The following PPP4R2 variants were observed in gnomAD, a reference collection of about 807,000 sequenced individuals.
PPP4R2 encodes the protein serine/threonine-protein phosphatase 4 regulatory subunit 2.
PPP4R2 carries 13 observed loss-of-function variants against 47.2 expected under a neutral mutation model. That is an observed-to-expected ratio of 0.28 (90% CI 0.18 to 0.44). The LOEUF is 0.44. Ranked by LOEUF, PPP4R2 falls within the 20% of genes least tolerant of loss-of-function variation. The pLI, the probability that PPP4R2 is intolerant of heterozygous loss-of-function variation, is 1.00. For missense variants in PPP4R2, 421 were observed against 491.2 expected (o/e 0.86, Z 1.35); for synonymous variants, 151 against 163.3 (o/e 0.92, Z 0.57).
chr3:73,038,621 C>T (rs1435066419), intron 2 of PPP4R2, among the ~76,000 whole-genome samples: 1 of 152,120 alleles, frequency 6.6e-6, no homozygotes, highest in Non-Finnish European at 1.5e-5. Context: ...GTTTCAAAAT[C>T]CTGACCTTGT....
At chr3:73,000,497 G>T (rs1213674641) in intron 2 of PPP4R2, among the ~76,000 whole-genome samples, 2 of 152,178 alleles carry the variant, frequency 1.3e-5, no homozygotes, top group African/African-American at 4.8e-5. Context: ...CTTGCTTTTA[G>T]CTTTAGAGAG....
At chr3:73,009,097 A>G (rs9310256) in intron 2 of PPP4R2, among the ~76,000 whole-genome samples, 1 of 151,854 alleles carries the variant, frequency 6.6e-6, no homozygotes, top group Non-Finnish European at 1.5e-5. Flanking sequence ...TCATCACTTA[A>G]GTTACTGTTG....
chr3:73,007,444 T>C (rs1285091314), intron 2 of PPP4R2, among the ~76,000 whole-genome samples: 1 of 151,432 alleles, frequency 6.6e-6, no homozygotes, highest in African/African-American at 2.4e-5. Context: ...AGGTTTCTTT[T>C]ATCTTTTTCT....
chr3:73,046,569 A>G (rs1427611553), intron 2 of PPP4R2, among the ~76,000 whole-genome samples: 2 of 152,192 alleles, frequency 1.3e-5, no homozygotes, highest in Non-Finnish European at 2.9e-5. Flanking sequence ...ATAGATGTGA[A>G]AAGTACCTAA....
At chr3:73,013,136 T>G (rs1217340154) in intron 2 of PPP4R2, among the ~76,000 whole-genome samples, 1 of 152,172 alleles carries the variant, frequency 6.6e-6, no homozygotes, top group Non-Finnish European at 1.5e-5. Context: ...GGTCTTTGGT[T>G]TTGCTATGTT....
At chr3:73,007,896 G>T (rs1701645580) in intron 2 of PPP4R2, among the ~76,000 whole-genome samples, 1 of 151,560 alleles carries the variant, frequency 6.6e-6, no homozygotes, top group African/African-American at 2.4e-5. Flanking sequence ...CTACCTTTAT[G>T]AATTTTTCCA....
intron 2 of PPP4R2, among the ~76,000 whole-genome samples, chr3:73,017,853 G>T (rs1035327066): frequency 6.6e-6 from 1 of 151,626 alleles, no homozygotes; most frequent in East Asian, 1.9e-4. Context: ...TCAGCCTTCC[G>T]TGTAGCTGGG....
At chr3:73,022,505 A>G (rs1171035474) in intron 2 of PPP4R2, among the ~76,000 whole-genome samples, 1 of 152,166 alleles carries the variant, frequency 6.6e-6, no homozygotes, top group Non-Finnish European at 1.5e-5. Flanking sequence ...AATGTGAGAG[A>G]GCTTGGTTAG....
intron 5 of PPP4R2, chr3:73,062,201 A>C: frequency 6.3e-7 from 1 of 1,579,514 alleles, no homozygotes; most frequent in Non-Finnish European, 8.6e-7. Context: ...TTAAAGAATT[A>C]AGTCGGAACC....
chr3:73,060,104 C>T (rs534459696), intron 4 of PPP4R2, among the ~76,000 whole-genome samples: 1 of 152,272 alleles, frequency 6.6e-6, no homozygotes, highest in Admixed American at 6.5e-5. Context: ...TCCGGAAACA[C>T]TCCCCTGTTC....
At chr3:73,009,058 G>C (rs1036543977) in intron 2 of PPP4R2, among the ~76,000 whole-genome samples, 3 of 152,194 alleles carry the variant, frequency 2.0e-5, no homozygotes, top group Admixed American at 2.0e-4. Context: ...GGGAGTTACT[G>C]TAACTAATTA....
At chr3:73,030,580 A>G (rs1053620698) in intron 2 of PPP4R2, among the ~76,000 whole-genome samples, 4 of 150,244 alleles carry the variant, frequency 2.7e-5, no homozygotes, top group South Asian at 4.2e-4. Context: ...TTTCTTCCCT[A>G]TGTAGGCACA....
At chr3:73,001,184 TA>T (rs1173243525) in intron 2 of PPP4R2, among the ~76,000 whole-genome samples, 1 of 152,060 alleles carries the variant, frequency 6.6e-6, no homozygotes, top group Non-Finnish European at 1.5e-5. Context: ...CTCAGCTACA[TA>T]AAATACTAAG....
At chr3:73,049,447 C>G (rs1479882374) in intron 3 of PPP4R2, among the ~76,000 whole-genome samples, 1 of 151,308 alleles carries the variant, frequency 6.6e-6, no homozygotes, top group Non-Finnish European at 1.5e-5. Flanking sequence ...TGCAGTGAGC[C>G]AAGATCTCGC....
intron 2 of PPP4R2, among the ~76,000 whole-genome samples, chr3:73,006,653 T>C (rs1284253018): frequency 6.6e-6 from 1 of 152,206 alleles, no homozygotes; most frequent in Non-Finnish European, 1.5e-5. Context: ...TTGTGGGGCT[T>C]ACCTCTAGAT....
chr3:72,999,770 C>T (rs1313340932), intron 2 of PPP4R2, among the ~76,000 whole-genome samples: 9 of 152,218 alleles, frequency 5.9e-5, no homozygotes, highest in Admixed American at 1.3e-4. Context: ...ACCCCATATT[C>T]GGTGTTTATG....
chr3:73,028,111 G>A (rs1160261664), intron 2 of PPP4R2, among the ~76,000 whole-genome samples: 1 of 151,698 alleles, frequency 6.6e-6, no homozygotes. Flanking sequence ...ACAAAAATTA[G>A]CCAGGCGTGG....
rs191906528 is a variant in PPP4R2, at chr3:73,046,146, C to G, written c.117-1040C>G. 2.9e-3 allele frequency among the ~76,000 whole-genome samples: 444 copies of G among 152,314 alleles called. 1 individual carries two copies. Among genetic ancestry groups the G allele is most frequent in the Non-Finnish European group, 4.5e-3 (303 of 68,018 alleles). ...ACAGTTTGGTGCTGCTGTCCTGACT[C>G]TTGCTACATGGATTATCAGTTTTAT... On this transcript the variant is annotated intron_variant, in intron 2 of 8. Coordinates refer to ENST00000356692, the MANE Select transcript of PPP4R2 (RefSeq NM_174907.4).
intron 2 of PPP4R2, among the ~76,000 whole-genome samples, chr3:73,022,773 T>C (rs74655420): frequency 0.13 from 19,634 of 150,256 alleles, 1,494 homozygotes; most frequent in East Asian, 0.34. Context: ...CATTTCTTTT[T>C]TTTTTTTTTT....
Sources: gnomAD v4.1 joint callset for allele counts (sites outside exome capture counted in the v4.1 genomes callset) on GRCh38, gnomAD v4.1.1 for gene constraint, MANE v1.5 for transcripts, NCBI Gene and HGNC (gene_info 2026-07-23, HGNC 2026-07-21) for gene names.